Variants in SFMBT2 observed in about 807,000 individuals in gnomAD.
The protein encoded by SFMBT2 is Scm like with four mbt domains 2, also known as scm-like with four MBT domains protein 2.
SFMBT2 carries 38 observed loss-of-function variants against 110.1 expected under a neutral mutation model. The ratio of observed to expected loss-of-function variants is 0.35; its 90% CI spans 0.27 to 0.45. The LOEUF (loss-of-function observed/expected upper bound fraction) is 0.45, where lower values mean the gene tolerates loss of function less well. Among genes scored for constraint, SFMBT2 ranks in the 20% least tolerant of loss-of-function variants. The probability of loss-of-function intolerance (pLI) is 1.00; values close to 1 mark genes in which losing one functional copy is unlikely to be tolerated. For synonymous variants in SFMBT2, 425 were observed against 425.4 expected, an observed-to-expected ratio of 1.00 and a Z score of 0.01; for missense variants, 1,011 against 1,094.9, an observed-to-expected ratio of 0.92 and a Z score of 1.08.
chr10:7,393,001 ATATATAT>A (rs1845815694), intron 1 of SFMBT2, among the ~76,000 whole-genome samples: 1 of 70,284 alleles, frequency 1.4e-5, no homozygotes, highest in African/African-American at 9.9e-5. Context: ...ATATATATAT[ATATATAT>A]ATATATATAT....
In SFMBT2 at chr10:7,250,790, C is replaced by T. The variant is rs555736022; in HGVS notation, c.871-2141G>A. On this transcript the variant is annotated intron_variant, in intron 7 of 20. Transcript: ENST00000397167. ...AACAGCCATTCTTACTGGTGTGAGA[C>T]GGTATCTCCTTGTGGTTTTGATTTC... is the stretch of plus-strand genomic sequence containing the variant. Among the ~76,000 whole-genome samples the T allele has an allele frequency of 9.9e-5, 15 of 152,250 alleles. 1 individual carries two copies. Among genetic ancestry groups the T allele is most frequent in the East Asian group, 9.6e-4 (5 of 5,188 alleles).
At chr10:7,282,338 C>T (rs1457012814) in intron 6 of SFMBT2, among the ~76,000 whole-genome samples, 2 of 152,188 alleles carry the variant, frequency 1.3e-5, no homozygotes, top group Non-Finnish European at 2.9e-5. Context: ...TCACAGAGAA[C>T]ATAAGAAGCC....
intron 2 of SFMBT2, among the ~76,000 whole-genome samples, chr10:7,376,697 T>TA (rs1293376043): frequency 1.4e-3 from 3 of 2,086 alleles, no homozygotes; most frequent in Admixed American, 0.021. Context: ...AGACTCTGTC[T>TA]CAAAAAAAAA....
chr10:7,219,912 AG>A (rs1472630936), intron 11 of SFMBT2: 1 of 157,286 alleles, frequency 6.4e-6, no homozygotes, highest in Non-Finnish European at 1.4e-5. Context: ...TATAAAGGAT[AG>A]TTTCAACATC....
intron 1 of SFMBT2, among the ~76,000 whole-genome samples, chr10:7,396,947 C>T (rs1845942944): frequency 6.6e-6 from 1 of 150,536 alleles, no homozygotes; most frequent in South Asian, 2.1e-4. Flanking sequence ...GGAGATATAC[C>T]TAATGTAAAT....
At chr10:7,375,569 G>C (rs1392447524) in intron 2 of SFMBT2, among the ~76,000 whole-genome samples, 1 of 152,094 alleles carries the variant, frequency 6.6e-6, no homozygotes, top group Non-Finnish European at 1.5e-5. Flanking sequence ...GTTCCACCAT[G>C]AGTATATTCA....
At chr10:7,285,344 G>C (rs1198594733) in intron 5 of SFMBT2, 1 of 152,240 alleles carries the variant, frequency 6.6e-6, no homozygotes, top group South Asian at 2.1e-4. Flanking sequence ...TGGCTACACT[G>C]AAATACGATC....
chr10:7,371,174 A>G (rs1353822283), intron 2 of SFMBT2, among the ~76,000 whole-genome samples: 1 of 152,084 alleles, frequency 6.6e-6, no homozygotes, highest in African/African-American at 2.4e-5. Flanking sequence ...CCCAGGCTGG[A>G]GTGCAGTGGT....
chr10:7,278,023 C>T (rs1841837128), intron 6 of SFMBT2, among the ~76,000 whole-genome samples: 2 of 152,194 alleles, frequency 1.3e-5, no homozygotes, highest in South Asian at 2.1e-4. Context: ...CCAGAACTAG[C>T]CAAGCCATCG....
intron 15 of SFMBT2, 118 bp downstream of exon 15, chr10:7,197,430 T>C: frequency 7.3e-7 from 1 of 1,371,190 alleles, no homozygotes; most frequent in Non-Finnish European, 1.0e-6. Context: ...AGAACGGAGG[T>C]CTCGGTAAAT....
At chr10:7,215,491 G>A (rs891838616) in intron 11 of SFMBT2, 11 of 897,252 alleles carry the variant, frequency 1.2e-5, no homozygotes, top group Non-Finnish European at 1.5e-5. Flanking sequence ...AATTAATGTT[G>A]CAATCATCTC....
At chr10:7,313,630 T>G (rs1488229611) in intron 4 of SFMBT2, among the ~76,000 whole-genome samples, 1 of 152,056 alleles carries the variant, frequency 6.6e-6, no homozygotes, top group African/African-American at 2.4e-5. Context: ...TGGGGTTTTT[T>G]GTTTTTGTTT....
chr10:7,193,809 G>A (rs945538587), intron 15 of SFMBT2, among the ~76,000 whole-genome samples: 3 of 152,186 alleles, frequency 2.0e-5, no homozygotes, highest in Non-Finnish European at 4.4e-5. Context: ...TGAACACCTC[G>A]TGCAATGCAA....
intron 4 of SFMBT2, among the ~76,000 whole-genome samples, chr10:7,342,274 G>A (rs866175300): frequency 6.6e-5 from 10 of 151,816 alleles, no homozygotes; most frequent in African/African-American, 2.2e-4. Context: ...AATATGTTAA[G>A]CACACATAAG....
rs918601516 is a variant in SFMBT2 at position 7,171,477 on chromosome 10, T to C, written c.2415+418A>G. On this transcript the variant is annotated intron_variant, in intron 19 of 20. Coordinates refer to ENST00000397167, the MANE Select transcript of SFMBT2 (RefSeq NM_001387889.1). The surrounding 1 kb of genome is among the most constrained non-coding windows in gnomAD (Gnocchi z 4.9). ...GCTGATCTCACACCACCCATGGGGC[T>C]AGGGGAGACCTGAAACACTGATTAA... 2.0e-6 allele frequency: 2 copies of C among 985,280 alleles called. No homozygotes were observed. Among genetic ancestry groups the C allele is most frequent in the South Asian group, 4.7e-5 (1 of 21,288 alleles). 61.0% of individuals were successfully genotyped at this position (985,280 alleles called of 1,614,324 possible). A position where few individuals can be genotyped will look rare whatever the true frequency, so the allele number is the denominator to read the frequency against.
At chr10:7,376,972 C>A (rs180708620) in intron 2 of SFMBT2, among the ~76,000 whole-genome samples, 2 of 151,072 alleles carry the variant, frequency 1.3e-5, no homozygotes. Flanking sequence ...AGATCGAGAC[C>A]GTCCTGGCTA....
At chr10:7,333,905 A>G (rs1843638379) in intron 4 of SFMBT2, among the ~76,000 whole-genome samples, 1 of 152,186 alleles carries the variant, frequency 6.6e-6, no homozygotes, top group Non-Finnish European at 1.5e-5. Flanking sequence ...ACGGGAAGGC[A>G]GGAAATGAGT....
chr10:7,361,666 A>G (rs546073173), intron 4 of SFMBT2, among the ~76,000 whole-genome samples: 79 of 152,378 alleles, frequency 5.2e-4, no homozygotes, highest in Non-Finnish European at 1.0e-3. Context: ...CCAAGACTGC[A>G]GAGTACGCAA....
chr10:7,206,809 G>A, intron 11 of SFMBT2: 2 of 941,730 alleles, frequency 2.1e-6, no homozygotes, highest in Non-Finnish European at 2.5e-6. Flanking sequence ...CAAATCAATA[G>A]TTAAGAAAAA....
Sources: allele counts gnomAD v4.1 joint callset (sites outside exome capture counted in the v4.1 genomes callset), GRCh38; gene constraint gnomAD v4.1.1; non-coding constraint Gnocchi (gnomAD v3.1); transcripts MANE v1.5; gene names NCBI Gene and HGNC (gene_info 2026-07-23, HGNC 2026-07-21).